The following KLRD1 variants were observed in gnomAD, a reference collection of about 807,000 sequenced individuals.
The protein encoded by KLRD1 is natural killer cells antigen CD94.
In KLRD1, 21 loss-of-function variants were observed where a neutral mutation model predicts 22.6. The observed-to-expected ratio is 0.93, with a 90% confidence interval of 0.66 to 1.34. The LOEUF (loss-of-function observed/expected upper bound fraction) is 1.34. Ranked by LOEUF, KLRD1 falls within the 40% of genes most tolerant of loss-of-function variation. KLRD1 has a pLI of 0.00. For missense variants in KLRD1, 183 were observed against 208.6 expected (o/e 0.88, Z 0.76); for synonymous variants, 59 against 71.1 (o/e 0.83, Z 0.85).
chr12:10,289,944 A>C (rs1949750938), intron 1 of KLRD1, among the ~76,000 whole-genome samples: 2 of 151,874 alleles, frequency 1.3e-5, no homozygotes, highest in Non-Finnish European at 2.9e-5. Context: ...ACACCCAGCT[A>C]GTTTTGTATT....
intron 3 of KLRD1, 111 bp downstream of exon 3, chr12:10,309,799 GC>G: frequency 2.7e-6 from 2 of 753,566 alleles, no homozygotes; most frequent in South Asian, 3.2e-5. Context: ...ATAGAAATTT[GC>G]CTACCAGTGT....
intron 1 of KLRD1, among the ~76,000 whole-genome samples, chr12:10,248,215 C>T (rs1949310593): frequency 6.6e-6 from 1 of 151,930 alleles, no homozygotes. Context: ...TTTTTTTCCC[C>T]ACAATTTTTC....
At chr12:10,263,591 G>C (rs1423120948) in intron 1 of KLRD1, among the ~76,000 whole-genome samples, 3 of 152,032 alleles carry the variant, frequency 2.0e-5, no homozygotes, top group Non-Finnish European at 4.4e-5. Flanking sequence ...CTGCATTTCT[G>C]CTTTACTGAG....
At chr12:10,247,427 T>C (rs546700890) in intron 1 of KLRD1, among the ~76,000 whole-genome samples, 1 of 152,326 alleles carries the variant, frequency 6.6e-6, no homozygotes, top group African/African-American at 2.4e-5. Context: ...TTACACTTTT[T>C]GTGTAAGTAG....
intron 1 of KLRD1, among the ~76,000 whole-genome samples, chr12:10,239,091 G>A (rs1296502102): frequency 2.0e-5 from 3 of 152,164 alleles, no homozygotes; most frequent in Non-Finnish European, 2.9e-5. Context: ...ATCTTTTGTT[G>A]TACGTGGTCA....
rs1950145142 is a variant in KLRD1 at position 10,313,421 on chromosome 12, C to T, written c.327C>T (p.Ser109=). 6.3e-7 allele frequency: 1 copy of T among 1,590,856 alleles called. No individual in the cohort carries two copies. The highest frequency in any genetic ancestry group is 8.6e-7 in the Non-Finnish European group (1 of 1,165,362). ...LQNTDELDFM[S]SSQQFYWIGL... ...TTTACTTGAAGCAGGATTTTATGAG[C>T]TCCAGTCAACAATTTTACTGGATTG... Residue 109 remains serine, a synonymous_variant, in exon 5 of 6, where the codon AGC becomes AGT. Transcript: ENST00000336164.
Position 10,254,289 on chromosome 12 carries a change from G to A in KLRD1, c.-101+28056G>A, listed in dbSNP as rs567384992. On this transcript the variant is annotated intron_variant, in intron 1 of 5. Transcript: ENST00000544747. ...TAAAAATACAAAAAATTAGCAGGGCGCGGTGGAGGGCGCCTGTAGTCCCAG... is the reference window on the plus strand; with the variant it reads ...TAAAAATACAAAAAATTAGCAGGGCACGGTGGAGGGCGCCTGTAGTCCCAG... 6.3e-3 allele frequency among the ~76,000 whole-genome samples: 944 copies of A among 150,764 alleles called. 7 individuals carry two copies. Among genetic ancestry groups the A allele is most frequent in the Non-Finnish European group, 9.4e-3 (632 of 67,020 alleles).
At chr12:10,255,390 T>G (rs765045644) in intron 1 of KLRD1, among the ~76,000 whole-genome samples, 7 of 152,148 alleles carry the variant, frequency 4.6e-5, no homozygotes, top group Non-Finnish European at 1.0e-4. Context: ...TGGCGTTGGG[T>G]TTAATTTATT....
intron 1 of KLRD1, among the ~76,000 whole-genome samples, chr12:10,277,744 A>G (rs1342737107): frequency 6.6e-6 from 1 of 151,874 alleles, no homozygotes; most frequent in Non-Finnish European, 1.5e-5. Context: ...TTATGATATT[A>G]CTTCAATTAG....
rs1446786869 is a variant in KLRD1, at chr12:10,327,663, A to C, written c.*12870A>C. The C allele has an allele frequency of 2.6e-5, 4 of 152,138 alleles. No individual in the cohort carries two copies. Among genetic ancestry groups the C allele is most frequent in the Non-Finnish European group, 5.9e-5 (4 of 68,010 alleles). 9.4% of individuals were successfully genotyped at this position (152,138 alleles called of 1,614,324 possible). On this transcript the variant is annotated 3_prime_UTR_variant, in exon 6 of 6. Transcript: ENST00000336164. ...TTCTTTTACAATCTGTATGTTGTTA[A>C]TTTCTTTTCCTTGCCTAAGAGCTTT...
Position 10,307,918 on chromosome 12 carries a change from T to C in KLRD1, c.-160T>C. 8 of 653,658 alleles carry C rather than the reference T, an allele frequency of 1.2e-5. No homozygotes were observed. Among genetic ancestry groups the C allele is most frequent in the African/African-American group, 1.8e-5 (1 of 55,120 alleles). The allele number at this position is 653,658 out of a possible 1,614,324, so 40.5% of individuals were successfully genotyped here. A position where few individuals can be genotyped will look rare whatever the true frequency, so the allele number is the denominator to read the frequency against. On this transcript the variant is annotated 5_prime_UTR_variant, in exon 1 of 6. Coordinates refer to ENST00000336164, the MANE Select transcript of KLRD1 (RefSeq NM_002262.5). ...ACCAATAGATGATTCAAGAACATCA[T>C]TTAAATACACAATTTTTCATTCTCT...
intron 1 of KLRD1, among the ~76,000 whole-genome samples, chr12:10,258,927 G>A (rs1378684410): frequency 2.0e-5 from 3 of 152,110 alleles, no homozygotes; most frequent in African/African-American, 4.8e-5. Flanking sequence ...TAAGACCTAC[G>A]AAGAAGCCAA....
At chr12:10,274,112 G>A (rs11053728) in intron 1 of KLRD1, among the ~76,000 whole-genome samples, 86,560 of 135,872 alleles carry the variant, frequency 0.64, 27,182 homozygotes, top group Admixed American at 0.77. Flanking sequence ...GTGAAATCTC[G>A]TCTCTACAAA....
At chr12:10,249,969 A>AGT (rs1367212613) in intron 1 of KLRD1, among the ~76,000 whole-genome samples, 2 of 152,148 alleles carry the variant, frequency 1.3e-5, no homozygotes, top group East Asian at 3.8e-4. Context: ...ACTCTAACAA[A>AGT]GTGAGGAGTA....
At position 10,311,168 on chromosome 12, in the gene KLRD1, A is replaced by G. The variant is rs56726194; in HGVS notation, c.164-296A>G. 3.7e-3 allele frequency among the ~76,000 whole-genome samples: 560 copies of G among 152,298 alleles called. 14 individuals are homozygous for G. The East Asian group carries it at 0.063, about 17-fold the overall frequency. ...TGCCCCTCATCTTACACTCTGCTAC[A>G]TGCTGTTTTAACATACTTAATTTTT... On this transcript the variant is annotated intron_variant, in intron 3 of 5. Coordinates refer to ENST00000336164, the MANE Select transcript of KLRD1 (RefSeq NM_002262.5).
upstream of KLRD1, among the ~76,000 whole-genome samples, chr12:10,305,572 T>C (rs899838603): frequency 1.3e-5 from 2 of 152,176 alleles, no homozygotes; most frequent in South Asian, 2.1e-4. Context: ...TACCTGACTT[T>C]AGGGCTGAGA....
At position 10,320,343 on chromosome 12, in the gene KLRD1, C is replaced by T. The variant is rs1210558729; in HGVS notation, c.*5550C>T. The T allele has an allele frequency of 6.6e-6, 1 of 150,742 alleles. No homozygotes were observed. Among genetic ancestry groups the T allele is most frequent in the Non-Finnish European group, 1.5e-5 (1 of 67,854 alleles). 9.3% of individuals were successfully genotyped at this position (150,742 alleles called of 1,614,324 possible). On this transcript the variant is annotated 3_prime_UTR_variant, in exon 6 of 6. Coordinates refer to ENST00000336164, the MANE Select transcript of KLRD1 (RefSeq NM_002262.5). ...GCCAAAAGGACAGGAAAGACTGAAA[C>T]CTTCTAGTATGGGCTTATAGTAGGG...
rs1340557686 is a variant in KLRD1, at chr12:10,322,627, C to T, written c.*7834C>T. 1 of 152,162 alleles carries T rather than the reference C, an allele frequency of 6.6e-6. No individual in the cohort carries two copies. The highest frequency in any genetic ancestry group is 1.5e-5 in the Non-Finnish European group (1 of 68,028). 9.4% of individuals were successfully genotyped at this position (152,162 alleles called of 1,614,324 possible). A position where few individuals can be genotyped will look rare whatever the true frequency, so the allele number is the denominator to read the frequency against. On this transcript the variant is annotated 3_prime_UTR_variant, in exon 6 of 6. Transcript: ENST00000336164. ...ACTGCCGTCATGAAATTTTTCTTCA[C>T]TAATTTTCTCATTTACACTAAATAC...
intron 1 of KLRD1, among the ~76,000 whole-genome samples, chr12:10,269,104 A>C (rs1303952412): frequency 6.6e-6 from 1 of 151,846 alleles, no homozygotes; most frequent in Non-Finnish European, 1.5e-5. Flanking sequence ...TGAACAGCTT[A>C]TCTAGTAGTC....
Sources: gnomAD v4.1 joint callset for allele counts (sites outside exome capture counted in the v4.1 genomes callset) on GRCh38, gnomAD v4.1.1 for gene constraint, MANE v1.5 for transcripts, NCBI Gene and HGNC (gene_info 2026-07-23, HGNC 2026-07-21) for gene names.